LTBP1: variants seen among roughly 807,000 people sequenced by gnomAD.
LTBP1 encodes the protein latent transforming growth factor beta binding protein 1.
In LTBP1, 129 loss-of-function variants were observed where a neutral mutation model predicts 207.6. The ratio of observed to expected loss-of-function variants is 0.62; its 90% confidence interval spans 0.54 to 0.72. The LOEUF is 0.72. LTBP1 is among the 30% of genes least tolerant of loss of function. The pLI, the probability that LTBP1 is intolerant of heterozygous loss-of-function variation, is 0.00. For synonymous variants in LTBP1, 963 were observed against 833.7 expected (o/e 1.16, Z -2.67); for missense variants, 2,281 against 2,217.2 (o/e 1.03, Z -0.58).
chr2:33,272,611 T>C lies in LTBP1; in HGVS notation c.2618-1045T>C, dbSNP rs188117084. Among the ~76,000 whole-genome samples the C allele has an allele frequency of 4.4e-4, 67 of 152,350 alleles. 1 individual carries two copies. The highest frequency in any genetic ancestry group is 3.6e-3 in the Admixed American group (55 of 15,298). ...GAGCATCTCTTTCATTCTCATACTT[T>C]GAAGTTGGAACTCTGATTATTTCCA... On this transcript the variant is annotated intron_variant, in intron 15 of 33. Transcript: ENST00000404816.
chr2:33,125,603 C>G (rs1315423138), intron 4 of LTBP1, among the ~76,000 whole-genome samples: 1 of 152,000 alleles, frequency 6.6e-6, no homozygotes, highest in African/African-American at 2.4e-5. Flanking sequence ...GAGGCTGAGG[C>G]GGGTGGATCA....
At chr2:33,011,455 G>A (rs953374804) in intron 2 of LTBP1, among the ~76,000 whole-genome samples, 1 of 152,054 alleles carries the variant, frequency 6.6e-6, no homozygotes, top group Non-Finnish European at 1.5e-5. Context: ...ATTAGTGTGG[G>A]CCTTAATCCA....
At chr2:33,053,649 A>G (rs1249699736) in intron 3 of LTBP1, among the ~76,000 whole-genome samples, 2 of 152,148 alleles carry the variant, frequency 1.3e-5, no homozygotes, top group Non-Finnish European at 2.9e-5. Context: ...AGGAACCCCC[A>G]CAAACTGTTT....
intron 22 of LTBP1, among the ~76,000 whole-genome samples, chr2:33,303,015 C>G (rs140684204): frequency 2.2e-4 from 33 of 151,676 alleles, no homozygotes; most frequent in African/African-American, 8.0e-4. Flanking sequence ...ACACACACCC[C>G]TATTGAGAAA....
intron 4 of LTBP1, among the ~76,000 whole-genome samples, chr2:33,120,666 G>T (rs1338696701): frequency 6.6e-6 from 1 of 152,106 alleles, no homozygotes; most frequent in African/African-American, 2.4e-5. Context: ...ACGTGCATGT[G>T]TCTTTAAGGT....
chr2:33,158,324 GAAGT>G (rs1263508748), intron 5 of LTBP1, among the ~76,000 whole-genome samples: 1 of 152,126 alleles, frequency 6.6e-6, no homozygotes, highest in Non-Finnish European at 1.5e-5. Context: ...TAGTTACATA[GAAGT>G]AAGTAGTTAC....
chr2:33,036,265 A>T (rs1439115401), intron 3 of LTBP1, among the ~76,000 whole-genome samples: 1 of 152,050 alleles, frequency 6.6e-6, no homozygotes, highest in Non-Finnish European at 1.5e-5. Context: ...TGGCTGACAA[A>T]CTCGCAGGTG....
intron 24 of LTBP1, among the ~76,000 whole-genome samples, chr2:33,328,653 C>A (rs1348840478): frequency 6.6e-6 from 1 of 152,160 alleles, no homozygotes; most frequent in African/African-American, 2.4e-5. Context: ...CTCCCATGAT[C>A]CACTTGCCTC....
At chr2:33,313,727 C>T (rs574311290) in intron 23 of LTBP1, among the ~76,000 whole-genome samples, 3 of 152,190 alleles carry the variant, frequency 2.0e-5, no homozygotes, top group East Asian at 3.9e-4. Flanking sequence ...ATTCAGTTAG[C>T]GGAGAAGGAA....
intron 7 of LTBP1, among the ~76,000 whole-genome samples, chr2:33,197,065 T>C (rs528416295): frequency 6.6e-6 from 1 of 152,320 alleles, no homozygotes; most frequent in East Asian, 1.9e-4. Context: ...AAAAGTTACG[T>C]TTAGTATTTC....
In LTBP1 at chr2:33,194,177, G is replaced by A. The variant is rs546911114; in HGVS notation, c.1701+5326G>A. Among the ~76,000 whole-genome samples, 7 of 152,058 alleles carry A rather than the reference G, an allele frequency of 4.6e-5. No homozygotes were observed. In the South Asian group the frequency reaches 1.0e-3, roughly 23 times the overall value. Reference sequence around the variant, plus strand: ...AATTTTTGTATTTTTATTAGAGATGGGGTTTCACCGTGTTAGCCAGGGTGG... The same window carrying A: ...AATTTTTGTATTTTTATTAGAGATGAGGTTTCACCGTGTTAGCCAGGGTGG... On this transcript the variant is annotated intron_variant, in intron 7 of 33. Transcript: ENST00000404816.
chr2:32,947,867 C>G (rs953423180), intron 1 of LTBP1, 49 bp downstream of exon 1: 3 of 1,270,414 alleles, frequency 2.4e-6, no homozygotes, highest in Non-Finnish European at 3.0e-6. Flanking sequence ...CGCGCACCGC[C>G]CGCGGAGGGA....
intron 5 of LTBP1, among the ~76,000 whole-genome samples, chr2:33,162,285 G>T (rs867730477): frequency 6.6e-6 from 1 of 152,144 alleles, no homozygotes; most frequent in East Asian, 1.9e-4. Flanking sequence ...AGTGATAGTG[G>T]TCAATACCTT....
chr2:33,086,462 A>T (rs1052765311), intron 3 of LTBP1, among the ~76,000 whole-genome samples: 2 of 152,242 alleles, frequency 1.3e-5, no homozygotes, highest in African/African-American at 4.8e-5. Flanking sequence ...CAGCAGGCCC[A>T]GGAGGGGAAA....
intron 13 of LTBP1, among the ~76,000 whole-genome samples, chr2:33,262,184 G>C (rs11678716): frequency 0.054 from 8,274 of 152,306 alleles, 270 homozygotes; most frequent in Middle Eastern, 0.15. Flanking sequence ...ACTGTTCAGA[G>C]AGCTGGAGTT....
At chr2:33,004,039 T>G (rs1318998367) in intron 2 of LTBP1, among the ~76,000 whole-genome samples, 1 of 152,208 alleles carries the variant, frequency 6.6e-6, no homozygotes, top group Non-Finnish European at 1.5e-5. Context: ...TGTTTTCCTT[T>G]ATCTCCCTGA....
intron 15 of LTBP1, among the ~76,000 whole-genome samples, chr2:33,266,690 G>A (rs376007144): frequency 7.2e-5 from 11 of 152,074 alleles, no homozygotes; most frequent in African/African-American, 2.7e-4. Context: ...ACCCACTTCG[G>A]GTCTCCTCAG....
In LTBP1 at chr2:33,275,009, C is replaced by A. The variant is rs774681859; in HGVS notation, c.2788C>A (p.Arg930Ser). The change falls in exon 17 of 34, where the codon CGC becomes AGC. Residue 930 changes from arginine to serine, a missense_variant. By Grantham distance (110) the Arg-to-Ser change is moderately radical. Around this residue, in one of 3 missense-constraint regions of LTBP1, gnomAD observed 1,671 missense variants for 1,634.8 expected, o/e 1.02. Coordinates refer to ENST00000404816, the MANE Select transcript of LTBP1 (RefSeq NM_206943.4). The part of the protein sequence containing the change: ...TQVQHLCSQG[R>S]CENTEGSFLC... ...GGTCCAACACCTCTGCTCCCAGGGCCGCTGTGAAAACACCGAGGGAAGTTT... is the reference window on the plus strand; with the variant it reads ...GGTCCAACACCTCTGCTCCCAGGGCAGCTGTGAAAACACCGAGGGAAGTTT... 2.5e-6 allele frequency: 4 copies of A among 1,613,952 alleles called. No individual in the cohort carries two copies. The highest frequency in any genetic ancestry group is 1.7e-5 in the Admixed American group (1 of 59,988).
At chr2:33,042,170 C>G (rs1280068910) in intron 3 of LTBP1, among the ~76,000 whole-genome samples, 1 of 152,126 alleles carries the variant, frequency 6.6e-6, no homozygotes, top group Non-Finnish European at 1.5e-5. Context: ...TGAAGTGGAC[C>G]TTTAGCCCAT....
Sources: gnomAD v4.1 joint callset for allele counts (sites outside exome capture counted in the v4.1 genomes callset) on GRCh38, gnomAD v4.1.1 for gene constraint, gnomAD v4.1.1 regional missense constraint, MANE v1.5 for transcripts, NCBI Gene and HGNC (gene_info 2026-07-23, HGNC 2026-07-21) for gene names.